Variants in ADAMTSL1 observed in about 807,000 individuals in gnomAD.
ADAMTSL1 encodes the protein ADAMTS-like protein 1.
ADAMTSL1 carries 126 observed loss-of-function variants against 201.8 expected under a neutral mutation model. The observed-to-expected ratio is 0.62, with a 90% CI of 0.54 to 0.72. ADAMTSL1 has a LOEUF of 0.72. Ranked by LOEUF, ADAMTSL1 falls within the 30% of genes least tolerant of loss-of-function variation. The pLI is 0.00. For synonymous variants in ADAMTSL1, 1,121 were observed against 903.4 expected (o/e 1.24, Z -4.32); for missense variants, 2,679 against 2,277.8 (o/e 1.18, Z -3.59).
At chr9:18,894,225 C>T (rs527630284) in intron 26 of ADAMTSL1, among the ~76,000 whole-genome samples, 9 of 152,138 alleles carry the variant, frequency 5.9e-5, no homozygotes, top group South Asian at 2.1e-4. Context: ...CGGCTCATGC[C>T]GGTAATCTCA....
At chr9:18,721,736 G>C (rs1288191807) in intron 15 of ADAMTSL1, 71 bp downstream of exon 15, 2 of 1,553,832 alleles carry the variant, frequency 1.3e-6, no homozygotes, top group Non-Finnish European at 1.7e-6. Context: ...CAGTGGGCAA[G>C]ACTGTAACAC....
intron 11 of ADAMTSL1, 98 bp from the exon 12 acceptor site, chr9:18,681,714 G>GGGGT: frequency 1.1e-6 from 1 of 884,430 alleles, no homozygotes; most frequent in Non-Finnish European, 1.5e-6. Context: ...GGGGGGCGGG[G>GGGGT]AAAAAGAAAA....
chr9:17,913,332 G>A (rs1259486532), intron 1 of ADAMTSL1, among the ~76,000 whole-genome samples: 1 of 152,164 alleles, frequency 6.6e-6, no homozygotes, highest in Non-Finnish European at 1.5e-5. Context: ...CCATGAGCAT[G>A]GAATGTTCTT....
At chr9:18,864,024 C>T (rs990699240) in intron 23 of ADAMTSL1, among the ~76,000 whole-genome samples, 1 of 152,190 alleles carries the variant, frequency 6.6e-6, no homozygotes, top group Non-Finnish European at 1.5e-5. Context: ...CTGGAGCCAG[C>T]TCATGAAGTA....
chr9:18,183,259 C>T (rs1828581040), intron 2 of ADAMTSL1, among the ~76,000 whole-genome samples: 1 of 152,112 alleles, frequency 6.6e-6, no homozygotes, highest in Admixed American at 6.6e-5. Flanking sequence ...TAAACAGAAA[C>T]ACAAAACTAA....
chr9:18,889,213 A>AT (rs1482463631), intron 24 of ADAMTSL1, among the ~76,000 whole-genome samples: 64 of 152,230 alleles, frequency 4.2e-4, no homozygotes, highest in Admixed American at 3.1e-3. Flanking sequence ...AATGAGGAAA[A>AT]AAAAGTACTG....
chr9:17,931,660 C>G (rs1563903185), intron 1 of ADAMTSL1, among the ~76,000 whole-genome samples: 2 of 151,998 alleles, frequency 1.3e-5, no homozygotes, highest in Non-Finnish European at 2.9e-5. Flanking sequence ...GTCCTGTTTT[C>G]TGTTTCTGAT....
chr9:18,158,328 G>A (rs951520833), intron 1 of ADAMTSL1, among the ~76,000 whole-genome samples: 1 of 151,944 alleles, frequency 6.6e-6, no homozygotes, highest in Non-Finnish European at 1.5e-5. Flanking sequence ...TTTAGTAGAT[G>A]TATATGCTCA....
chr9:18,354,146 C>T (rs1056818406), intron 2 of ADAMTSL1, among the ~76,000 whole-genome samples: 1 of 150,104 alleles, frequency 6.7e-6, no homozygotes, highest in Non-Finnish European at 1.5e-5. Context: ...TGTGATATAT[C>T]CCATACATCT....
intron 14 of ADAMTSL1, chr9:18,718,268 C>G (rs1833091926): frequency 1.2e-5 from 9 of 758,470 alleles, no homozygotes; most frequent in South Asian, 9.7e-5. Context: ...TAAATGTGGA[C>G]TGTGCTTTGA....
intron 2 of ADAMTSL1, among the ~76,000 whole-genome samples, chr9:18,235,618 T>G (rs1830818106): frequency 6.6e-6 from 1 of 152,222 alleles, no homozygotes; most frequent in South Asian, 2.1e-4. Flanking sequence ...TAGCTCCATA[T>G]GTAGTATACA....
chr9:17,990,693 G>T (rs1819119726), intron 1 of ADAMTSL1, among the ~76,000 whole-genome samples: 1 of 151,906 alleles, frequency 6.6e-6, no homozygotes, highest in South Asian at 2.1e-4. Flanking sequence ...GTTTTTAAAT[G>T]AACTCTCTAG....
At chr9:18,769,936 A>G (rs534239750) in intron 16 of ADAMTSL1, among the ~76,000 whole-genome samples, 5 of 152,320 alleles carry the variant, frequency 3.3e-5, no homozygotes, top group Admixed American at 2.0e-4. Flanking sequence ...ATGCCCCTGG[A>G]TCATAACTAT....
intron 4 of ADAMTSL1, among the ~76,000 whole-genome samples, chr9:18,618,527 TG>T (rs1825837998): frequency 9.4e-6 from 1 of 106,144 alleles, no homozygotes; most frequent in Non-Finnish European, 2.0e-5. Flanking sequence ...TGGGTATACA[TG>T]AAAAAAAAAA....
chr9:18,183,666 G>T (rs1284233617), intron 2 of ADAMTSL1, among the ~76,000 whole-genome samples: 1 of 152,120 alleles, frequency 6.6e-6, no homozygotes, highest in Non-Finnish European at 1.5e-5. Context: ...ACAACAGTGA[G>T]ATACCACTAC....
chr9:18,690,658 T>A (rs1427837324), intron 13 of ADAMTSL1, among the ~76,000 whole-genome samples: 2 of 152,306 alleles, frequency 1.3e-5, no homozygotes, highest in Non-Finnish European at 1.5e-5. Context: ...ATTAGAATTA[T>A]AAGATTAAAG....
At chr9:18,519,392 C>G (rs1013318539) in intron 2 of ADAMTSL1, among the ~76,000 whole-genome samples, 7 of 152,188 alleles carry the variant, frequency 4.6e-5, no homozygotes, top group Non-Finnish European at 4.4e-5. Flanking sequence ...GCAAAGTCTC[C>G]TTTCTCCCAT....
intron 1 of ADAMTSL1, among the ~76,000 whole-genome samples, chr9:18,107,466 G>T (rs964375413): frequency 3.3e-5 from 5 of 152,282 alleles, no homozygotes; most frequent in Non-Finnish European, 5.9e-5. Flanking sequence ...ACTATTAAAT[G>T]AGAGAAGTAT....
intron 1 of ADAMTSL1, among the ~76,000 whole-genome samples, chr9:18,013,600 A>G (rs554707464): frequency 1.3e-5 from 2 of 152,060 alleles, no homozygotes; most frequent in African/African-American, 2.4e-5. Context: ...CTGAGCAAAA[A>G]TGTAGTTTTT....
Sources: allele counts gnomAD v4.1 joint callset (sites outside exome capture counted in the v4.1 genomes callset), GRCh38; gene constraint gnomAD v4.1.1; transcripts MANE v1.5; gene names NCBI Gene and HGNC (gene_info 2026-07-23, HGNC 2026-07-21).